Variants in MSRA observed in about 807,000 individuals in gnomAD.
The protein encoded by MSRA is methionine sulfoxide reductase A, also known as mitochondrial peptide methionine sulfoxide reductase.
MSRA carries 54 observed loss-of-function variants against 31.3 expected under a neutral mutation model. The observed-to-expected ratio is 1.73, with a 90% confidence interval of 1.39 to 2.17. The LOEUF (loss-of-function observed/expected upper bound fraction) is 2.17, where lower values mean the gene tolerates loss of function less well. Among genes scored for constraint, MSRA ranks in the 30% most tolerant of loss-of-function variants. The pLI is 0.00. For synonymous variants in MSRA, 169 were observed against 116.5 expected (o/e 1.45, Z -2.90); for missense variants, 507 against 300.9 (o/e 1.69, Z -5.07).
At chr8:10,280,102 T>C (rs1309097075) in intron 3 of MSRA, among the ~76,000 whole-genome samples, 1 of 152,180 alleles carries the variant, frequency 6.6e-6, no homozygotes, top group East Asian at 1.9e-4. Flanking sequence ...TGACGTGAAG[T>C]TTTTGCAGTG....
intron 5 of MSRA, among the ~76,000 whole-genome samples, chr8:10,420,072 G>A (rs985460125): frequency 1.3e-5 from 2 of 152,126 alleles, no homozygotes; most frequent in South Asian, 4.1e-4. Flanking sequence ...ACAAAATATG[G>A]CATGTACGTA....
chr8:10,261,712 T>C (rs1798494602), intron 3 of MSRA, among the ~76,000 whole-genome samples: 1 of 152,230 alleles, frequency 6.6e-6, no homozygotes, highest in African/African-American at 2.4e-5. Context: ...ACTGATATGT[T>C]ATTATTAACT....
intron 1 of MSRA, among the ~76,000 whole-genome samples, chr8:10,183,121 C>G (rs1462389503): frequency 3.3e-5 from 5 of 152,286 alleles, no homozygotes; most frequent in Middle Eastern, 3.4e-3. Context: ...CTTAGTTTAT[C>G]TTAAATCTTG....
chr8:10,180,887 A>T (rs1806476202), intron 1 of MSRA, among the ~76,000 whole-genome samples: 1 of 152,138 alleles, frequency 6.6e-6, no homozygotes. Context: ...ACTACTTCCA[A>T]ATGTTGCCAC....
intron 5 of MSRA, among the ~76,000 whole-genome samples, chr8:10,369,404 G>A (rs540307582): frequency 2.6e-5 from 4 of 152,102 alleles, no homozygotes; most frequent in Admixed American, 6.5e-5. Flanking sequence ...AGTACCCAAC[G>A]AAATCAAACA....
At chr8:10,081,387 C>T (rs1798285615) in intron 1 of MSRA, among the ~76,000 whole-genome samples, 1 of 152,350 alleles carries the variant, frequency 6.6e-6, no homozygotes, top group African/African-American at 2.4e-5. Flanking sequence ...TCTCTAAATT[C>T]TGGAGTGTGT....
chr8:10,353,075 G>A (rs1480029100), intron 5 of MSRA, among the ~76,000 whole-genome samples: 1 of 152,048 alleles, frequency 6.6e-6, no homozygotes, highest in Non-Finnish European at 1.5e-5. Context: ...GAGCATTCCA[G>A]TCCCTTTCTC....
At chr8:10,105,682 C>T (rs750094522) in intron 1 of MSRA, among the ~76,000 whole-genome samples, 2 of 151,996 alleles carry the variant, frequency 1.3e-5, no homozygotes, top group South Asian at 2.1e-4. Context: ...GCACTTTCTC[C>T]TTCCCCTAAC....
chr8:10,283,830 T>TACACAC (rs1170038638), intron 3 of MSRA, among the ~76,000 whole-genome samples: 36 of 65,326 alleles, frequency 5.5e-4, no homozygotes, highest in African/African-American at 8.6e-4. Context: ...TATATATATA[T>TACACAC]ATATATACAC....
chr8:10,343,139 AG>A (rs1162852837), intron 5 of MSRA, among the ~76,000 whole-genome samples: 1 of 152,150 alleles, frequency 6.6e-6, no homozygotes, highest in Non-Finnish European at 1.5e-5. Flanking sequence ...CACTACTTCT[AG>A]AAATCATGAC....
Position 10,319,927 on chromosome 8 carries a change from A to G in MSRA, c.481A>G (p.Ile161Val), listed in dbSNP as rs1801950148. ...CCATGGCACTCAGTACCGCTCGGCC[A>G]TCTACCCGACCTCTGCCAAGCAAAT... ...NDHGTQYRSA[I>V]YPTSAKQMEA... The change falls in exon 5 of 6, where the codon ATC (isoleucine) becomes GTC (valine). Residue 161 changes from isoleucine (I) to valine (V), a missense_variant. Physicochemically the swap from Ile to Val is conservative, Grantham distance 29 (BLOSUM62 3). Transcript: ENST00000317173. 4 of 1,600,508 alleles carry G rather than the reference A, an allele frequency of 2.5e-6. No homozygotes were observed. The highest frequency in any genetic ancestry group is 1.3e-5 in the African/African-American group (1 of 74,550).
At chr8:10,190,177 A>T (rs1340547579) in intron 1 of MSRA, among the ~76,000 whole-genome samples, 1 of 152,086 alleles carries the variant, frequency 6.6e-6, no homozygotes, top group Non-Finnish European at 1.5e-5. Flanking sequence ...TGCTGGAGGA[A>T]GTCTCTCTTG....
chr8:10,295,555 G>A (rs1389455013), intron 3 of MSRA, among the ~76,000 whole-genome samples: 1 of 152,166 alleles, frequency 6.6e-6, no homozygotes, highest in Non-Finnish European at 1.5e-5. Flanking sequence ...GCTCTGCTCG[G>A]CCTCCCTCCC....
rs552137595 is a variant in MSRA, at chr8:10,207,210, G to A, written c.143-623G>A. Among the ~76,000 whole-genome samples the A allele has an allele frequency of 1.4e-4, 22 of 152,320 alleles. No homozygotes were observed. In the South Asian group the frequency reaches 4.6e-3, roughly 32 times the overall value. On this transcript the variant is annotated intron_variant, in intron 1 of 5. Coordinates refer to ENST00000317173, the MANE Select transcript of MSRA (RefSeq NM_012331.5). Reference sequence around the variant, plus strand: ...TTCCGAGTCCTCAGTGTTTACTAGGGTGGGAAGGGTGACTGGTTAGGAGGA... The same window carrying A: ...TTCCGAGTCCTCAGTGTTTACTAGGATGGGAAGGGTGACTGGTTAGGAGGA...
chr8:10,160,402 G>A (rs977063145), intron 1 of MSRA, among the ~76,000 whole-genome samples: 17 of 151,918 alleles, frequency 1.1e-4, no homozygotes, highest in African/African-American at 2.4e-4. Flanking sequence ...GGCTAAGGCC[G>A]GAGAATCGTT....
Position 10,404,279 on chromosome 8 carries a change from C to G in MSRA, c.544-23869C>G, listed in dbSNP as rs757834220. ...CCCAGGGGCATCTGGGCTCCCACCT[C>G]CAGAGAAGCGTCCCCCTGGAATCTT... On this transcript the variant is annotated intron_variant, in intron 5 of 5. Transcript: ENST00000317173. 2.6e-5 allele frequency among the ~76,000 whole-genome samples: 4 copies of G among 152,144 alleles called. No homozygotes were observed. The East Asian group carries it at 5.8e-4, about 22-fold the overall frequency.
chr8:10,328,253 C>G (rs1192335102), intron 5 of MSRA, among the ~76,000 whole-genome samples: 4 of 126,974 alleles, frequency 3.2e-5, no homozygotes, highest in African/African-American at 8.8e-5. Flanking sequence ...TCCCTCCCCC[C>G]TCCCCACTCA....
chr8:10,237,281 G>A (rs1020421204), intron 2 of MSRA, among the ~76,000 whole-genome samples: 26 of 152,248 alleles, frequency 1.7e-4, no homozygotes, highest in African/African-American at 6.3e-4. Flanking sequence ...TGCCAGTTAA[G>A]ATGATGTTGG....
chr8:10,150,085 G>T (rs1803529918), intron 1 of MSRA, among the ~76,000 whole-genome samples: 1 of 151,748 alleles, frequency 6.6e-6, no homozygotes, highest in Non-Finnish European at 1.5e-5. Flanking sequence ...TAATAAAAAG[G>T]TTCAGTTGAA....
Sources: allele counts gnomAD v4.1 joint callset (sites outside exome capture counted in the v4.1 genomes callset), GRCh38; gene constraint gnomAD v4.1.1; transcripts MANE v1.5; gene names NCBI Gene and HGNC (gene_info 2026-07-23, HGNC 2026-07-21).